The following RABGAP1 variants were observed in gnomAD, a reference collection of about 807,000 sequenced individuals.
RABGAP1 encodes the protein rab GTPase-activating protein 1.
A neutral mutation model predicts 137.6 loss-of-function variants in RABGAP1; 23 were observed. The observed-to-expected ratio is 0.17, with a 90% CI of 0.12 to 0.24. RABGAP1 has a LOEUF of 0.24. Ranked by LOEUF, RABGAP1 falls within the 10% of genes least tolerant of loss-of-function variation. The probability of loss-of-function intolerance (pLI) is 1.00; values close to 1 mark genes in which losing one functional copy is unlikely to be tolerated. For missense variants in RABGAP1, 906 were observed against 1,275.8 expected, an observed-to-expected ratio of 0.71 and a Z score of 4.42; for synonymous variants, 451 against 450.7, an observed-to-expected ratio of 1.00 and a Z score of -0.01.
At chr9:123,034,829 C>T in intron 13 of RABGAP1, 2 of 1,613,966 alleles carry the variant, frequency 1.2e-6, no homozygotes, top group African/African-American at 1.3e-5. Flanking sequence ...CCTTCTTTAT[C>T]ACTCCTCCAT....
chr9:122,981,367 A>G (rs1349722578), intron 2 of RABGAP1, among the ~76,000 whole-genome samples: 1 of 152,174 alleles, frequency 6.6e-6, no homozygotes, highest in South Asian at 2.1e-4. Flanking sequence ...AAAAAGATAA[A>G]TATGTATTAA....
chr9:123,091,120 C>T (rs2132216827), intron 21 of RABGAP1, among the ~76,000 whole-genome samples: 1 of 152,190 alleles, frequency 6.6e-6, no homozygotes, highest in East Asian at 1.9e-4. Context: ...CAGTTAAAAG[C>T]TTTATTTACA....
At chr9:123,030,463 C>T (rs2032235654) in intron 13 of RABGAP1, among the ~76,000 whole-genome samples, 2 of 151,896 alleles carry the variant, frequency 1.3e-5, no homozygotes, top group South Asian at 4.2e-4. Flanking sequence ...TCCTTTTAGT[C>T]ATATATATAT....
At chr9:123,064,421 C>T (rs774009187) in intron 13 of RABGAP1, among the ~76,000 whole-genome samples, 2 of 152,134 alleles carry the variant, frequency 1.3e-5, no homozygotes, top group South Asian at 2.1e-4. Context: ...TCATGGCCTT[C>T]GGAACATGAT....
chr9:122,999,651 C>T (rs973235211), intron 10 of RABGAP1, among the ~76,000 whole-genome samples: 1 of 151,684 alleles, frequency 6.6e-6, no homozygotes, highest in East Asian at 1.9e-4. Context: ...TTCCGTTTAT[C>T]CTGCTTGGGA....
chr9:123,066,682 C>T (rs1450361498), intron 14 of RABGAP1, among the ~76,000 whole-genome samples: 3 of 152,196 alleles, frequency 2.0e-5, no homozygotes, highest in African/African-American at 7.2e-5. Flanking sequence ...CCCTTCTACC[C>T]CCAAAGCTTC....
chr9:123,088,526 C>CA (rs1007053534), intron 19 of RABGAP1, among the ~76,000 whole-genome samples: 19 of 152,158 alleles, frequency 1.2e-4, no homozygotes, highest in Admixed American at 9.8e-4. Context: ...TCCATCCCTA[C>CA]AAAAAATAAA....
chr9:122,938,655 T>C (rs981271837), upstream of RABGAP1: 14 of 152,320 alleles, frequency 9.2e-5, no homozygotes, highest in Admixed American at 3.3e-4. Context: ...ACAATAAATG[T>C]TATATCTATT....
chr9:123,065,287 C>A, intron 13 of RABGAP1, 61 bp from the exon 14 acceptor site: 2 of 1,244,746 alleles, frequency 1.6e-6, no homozygotes, highest in Non-Finnish European at 1.2e-6. Flanking sequence ...CTTGCCTAAA[C>A]CTGAATAAGA....
intron 2 of RABGAP1, among the ~76,000 whole-genome samples, chr9:122,981,997 C>T (rs905029522): frequency 1.0e-4 from 15 of 149,800 alleles, no homozygotes; most frequent in African/African-American, 3.2e-4. Context: ...TGCAGTAAGC[C>T]GAGATTGTGT....
chr9:123,078,295 T>A (rs2034585387), intron 19 of RABGAP1, among the ~76,000 whole-genome samples: 1 of 151,734 alleles, frequency 6.6e-6, no homozygotes, highest in Non-Finnish European at 1.5e-5. Context: ...ATCATCAGAG[T>A]TTACATTCTA....
intron 19 of RABGAP1, among the ~76,000 whole-genome samples, chr9:123,084,413 C>G (rs2034806447): frequency 1.3e-5 from 2 of 152,170 alleles, no homozygotes. Flanking sequence ...TCTTACCCCC[C>G]ACTGTCTACC....
chr9:122,978,491 G>A (rs760559273), intron 2 of RABGAP1, among the ~76,000 whole-genome samples: 5 of 152,004 alleles, frequency 3.3e-5, no homozygotes, highest in African/African-American at 1.2e-4. Context: ...ATTTGCAGCC[G>A]GGCATTGGTG....
rs544921423 is a variant in RABGAP1 at position 123,101,663 on chromosome 9, C to T, written c.2987C>T (p.Thr996Met). The T allele has an allele frequency of 2.2e-5, 36 of 1,613,758 alleles. No individual in the cohort carries two copies. In the South Asian group the frequency reaches 2.3e-4, roughly 10 times the overall value. ...ACCAAGGAGGTTTTAGATGAGGACA[C>T]GGATGAAGAGAAAGAGACGCTCAAG... ...SSTKEVLDEDTDEEKETLKNQ... is the reference protein window; with the variant it reads ...SSTKEVLDEDMDEEKETLKNQ... Residue 996 changes from threonine to methionine, a missense_variant, in exon 25 of 26, where the codon ACG (threonine) becomes ATG (methionine). Transcript: ENST00000373647.
At chr9:122,954,715 C>A (rs1285613013) in intron 1 of RABGAP1, among the ~76,000 whole-genome samples, 2 of 152,168 alleles carry the variant, frequency 1.3e-5, no homozygotes, top group Middle Eastern at 3.2e-3. Flanking sequence ...AAGATAAAGA[C>A]TCCTTTACCC....
At chr9:122,980,960 C>A (rs568986780) in intron 2 of RABGAP1, among the ~76,000 whole-genome samples, 1 of 151,998 alleles carries the variant, frequency 6.6e-6, no homozygotes, top group African/African-American at 2.4e-5. Flanking sequence ...TCGTAGTTTG[C>A]GATTTAGATT....
At chr9:123,030,256 G>T (rs1490399358) in intron 13 of RABGAP1, among the ~76,000 whole-genome samples, 1 of 152,118 alleles carries the variant, frequency 6.6e-6, no homozygotes, top group African/African-American at 2.4e-5. Context: ...TTGCTCTGAT[G>T]GCATAAGAAC....
intron 2 of RABGAP1, among the ~76,000 whole-genome samples, chr9:122,976,959 G>A (rs561046239): frequency 6.6e-6 from 1 of 152,314 alleles, no homozygotes; most frequent in Admixed American, 6.5e-5. Context: ...CAAAGTATGG[G>A]TGCTTGAAAG....
At chr9:122,994,539 C>G (rs1298364459) in intron 6 of RABGAP1, among the ~76,000 whole-genome samples, 1 of 152,036 alleles carries the variant, frequency 6.6e-6, no homozygotes, top group Non-Finnish European at 1.5e-5. Flanking sequence ...TGGAAGTATT[C>G]AAAAATGTTC....
Sources: gnomAD v4.1 joint callset for allele counts (sites outside exome capture counted in the v4.1 genomes callset) on GRCh38, gnomAD v4.1.1 for gene constraint, MANE v1.5 for transcripts, NCBI Gene and HGNC (gene_info 2026-07-23, HGNC 2026-07-21) for gene names.